Variants in B3GAT2 observed in about 807,000 individuals in gnomAD.
B3GAT2 encodes the protein beta-1,3-glucuronyltransferase 2.
A neutral mutation model predicts 27.8 loss-of-function variants in B3GAT2; 26 were observed. That is an observed-to-expected ratio of 0.93 (90% CI 0.68 to 1.30). B3GAT2 has a LOEUF of 1.30. B3GAT2 is among the 50% of genes most tolerant of loss of function. B3GAT2 has a pLI of 0.00. For synonymous variants in B3GAT2, 218 were observed against 195.1 expected (o/e 1.12, Z -0.98); for missense variants, 458 against 459.0 (o/e 1.00, Z 0.02).
chr6:70,876,610 C>A (rs771207435), intron 2 of B3GAT2, among the ~76,000 whole-genome samples: 2 of 152,140 alleles, frequency 1.3e-5, no homozygotes, highest in Non-Finnish European at 2.9e-5. Context: ...ACATAGTAAG[C>A]ATTCTTTGTT....
intron 2 of B3GAT2, among the ~76,000 whole-genome samples, chr6:70,892,640 G>A (rs1426835541): frequency 1.3e-5 from 2 of 152,174 alleles, no homozygotes; most frequent in African/African-American, 4.8e-5. Context: ...CTGCACTGGA[G>A]GGCCCTGGTG....
intron 1 of B3GAT2, among the ~76,000 whole-genome samples, chr6:70,922,047 C>T (rs1450374399): frequency 6.6e-6 from 1 of 152,110 alleles, no homozygotes; most frequent in Non-Finnish European, 1.5e-5. Context: ...AAGGTGGTGG[C>T]AGCAGGATCC....
At chr6:70,896,408 T>G (rs1708246697) in intron 1 of B3GAT2, among the ~76,000 whole-genome samples, 1 of 152,126 alleles carries the variant, frequency 6.6e-6, no homozygotes. Context: ...TAGAATAAAA[T>G]GCGCTTTTTA....
intron 1 of B3GAT2, among the ~76,000 whole-genome samples, chr6:70,913,770 T>C (rs867916425): frequency 7.2e-5 from 11 of 152,206 alleles, no homozygotes; most frequent in African/African-American, 2.4e-4. Flanking sequence ...GTGTTCTGCC[T>C]TGATGATTGA....
At chr6:70,916,731 T>A (rs986051962) in intron 1 of B3GAT2, among the ~76,000 whole-genome samples, 3 of 152,230 alleles carry the variant, frequency 2.0e-5, no homozygotes, top group African/African-American at 7.2e-5. Flanking sequence ...CAGCCTTCCA[T>A]CCCAGGGATG....
chr6:70,859,540 CTGAGTG>C lies in B3GAT2; in HGVS notation c.*2117_*2122del. 1.6e-6 allele frequency: 1 copy of C among 620,604 alleles called. No homozygotes were observed. Among genetic ancestry groups the C allele is most frequent in the Non-Finnish European group, 2.7e-6 (1 of 376,722 alleles). The allele number at this position is 620,604 out of a possible 1,614,324, so 38.4% of individuals were successfully genotyped here. On this transcript the variant is annotated 3_prime_UTR_variant, in exon 4 of 4. Coordinates refer to ENST00000230053, the MANE Select transcript of B3GAT2 (RefSeq NM_080742.3). ...ATTAAATTAAGAACACAGTCTAACT[CTGAGTG>C]TAAGTTTTAAACCCACTCACTATAT...
At chr6:70,902,765 T>C (rs755467563) in intron 1 of B3GAT2, among the ~76,000 whole-genome samples, 3 of 151,574 alleles carry the variant, frequency 2.0e-5, no homozygotes, top group Non-Finnish European at 2.9e-5. Flanking sequence ...GGGAAGACAT[T>C]ATGCTAAGTA....
chr6:70,918,270 A>C (rs1027564205), intron 1 of B3GAT2, among the ~76,000 whole-genome samples: 2 of 151,758 alleles, frequency 1.3e-5, no homozygotes, highest in Non-Finnish European at 2.9e-5. Flanking sequence ...TTCTTCCATC[A>C]CTTTATTTGA....
chr6:70,929,014 G>A (rs1431030751), intron 1 of B3GAT2, among the ~76,000 whole-genome samples: 1 of 152,148 alleles, frequency 6.6e-6, no homozygotes, highest in Non-Finnish European at 1.5e-5. Context: ...TATACACCAT[G>A]GAATACTATG....
intron 2 of B3GAT2, among the ~76,000 whole-genome samples, chr6:70,884,584 G>A (rs1041318905): frequency 6.6e-6 from 1 of 152,144 alleles, no homozygotes; most frequent in Non-Finnish European, 1.5e-5. Context: ...AACTGCATAA[G>A]CCAAGGATTC....
At chr6:70,918,670 A>G (rs983364584) in intron 1 of B3GAT2, among the ~76,000 whole-genome samples, 12 of 152,244 alleles carry the variant, frequency 7.9e-5, no homozygotes, top group Non-Finnish European at 1.6e-4. Context: ...GTTTGGCTGG[A>G]TATGAAATTC....
chr6:70,860,229 C>G lies in B3GAT2; in HGVS notation c.*1434G>C, dbSNP rs1452014553. Reference sequence around the variant, plus strand: ...ATCAGCAGATGGCTGGCATGAGTATCAGTAGTGCAACCCCTACTGCAGGTT... The same window carrying G: ...ATCAGCAGATGGCTGGCATGAGTATGAGTAGTGCAACCCCTACTGCAGGTT... On this transcript the variant is annotated 3_prime_UTR_variant, in exon 4 of 4. Coordinates refer to ENST00000230053, the MANE Select transcript of B3GAT2 (RefSeq NM_080742.3). 6.2e-7 allele frequency: 1 copy of G among 1,612,856 alleles called. No homozygotes were observed. The highest frequency in any genetic ancestry group is 2.2e-5 in the East Asian group (1 of 44,830).
In B3GAT2 at chr6:70,928,503, T is replaced by C. The variant is rs546850386; in HGVS notation, c.591+27336A>G. On this transcript the variant is annotated intron_variant, in intron 1 of 3. Coordinates refer to ENST00000230053, the MANE Select transcript of B3GAT2 (RefSeq NM_080742.3). ...GATGTAATAAGAATGATAAAGGGGG[T>C]ATCACCACCAATCCCACGGAAATAC... Among the ~76,000 whole-genome samples, 3 of 151,906 alleles carry C rather than the reference T, an allele frequency of 2.0e-5. No individual in the cohort carries two copies. The East Asian group carries it at 5.8e-4, about 29-fold the overall frequency.
At chr6:70,877,754 A>T (rs1481018221) in intron 2 of B3GAT2, among the ~76,000 whole-genome samples, 1 of 152,160 alleles carries the variant, frequency 6.6e-6, no homozygotes, top group African/African-American at 2.4e-5. Context: ...CTGTGGGTAA[A>T]ACACACTGTC....
At chr6:70,952,857 T>C (rs958991829) in intron 1 of B3GAT2, among the ~76,000 whole-genome samples, 1 of 152,208 alleles carries the variant, frequency 6.6e-6, no homozygotes, top group Non-Finnish European at 1.5e-5. Context: ...GAAAATTAGT[T>C]AGCTGTATGA....
At chr6:70,907,184 G>T (rs1248171240) in intron 1 of B3GAT2, among the ~76,000 whole-genome samples, 1 of 152,154 alleles carries the variant, frequency 6.6e-6, no homozygotes, top group Non-Finnish European at 1.5e-5. Context: ...GTCTCTCAAT[G>T]CCAGGGATAA....
At chr6:70,907,921 A>G (rs1772627646) in intron 1 of B3GAT2, among the ~76,000 whole-genome samples, 1 of 152,222 alleles carries the variant, frequency 6.6e-6, no homozygotes, top group African/African-American at 2.4e-5. Context: ...ATATGTGCTT[A>G]GCGTTGAAGC....
chr6:70,856,866 C>G lies in B3GAT2; in HGVS notation c.*4797G>C. ...TTTTGGTGTTTGTCTCAGGGGACAC[C>G]CTCTGCACCAGCAGCTGCAACCCTG... On this transcript the variant is annotated 3_prime_UTR_variant, in exon 4 of 4. Transcript: ENST00000230053. The G allele has an allele frequency of 6.2e-7, 1 of 1,610,762 alleles. No individual in the cohort carries two copies. The highest frequency in any genetic ancestry group is 8.5e-7 in the Non-Finnish European group (1 of 1,178,086).
chr6:70,894,656 A>C (rs1772348511), intron 1 of B3GAT2, among the ~76,000 whole-genome samples: 1 of 152,210 alleles, frequency 6.6e-6, no homozygotes, highest in South Asian at 2.1e-4. Context: ...AAACTTCATT[A>C]CTCAGGAAGA....
Sources: gnomAD v4.1 joint callset for allele counts (sites outside exome capture counted in the v4.1 genomes callset) on GRCh38, gnomAD v4.1.1 for gene constraint, MANE v1.5 for transcripts, NCBI Gene and HGNC (gene_info 2026-07-23, HGNC 2026-07-21) for gene names.